Variants in ELAVL2 observed in about 807,000 individuals in gnomAD.
ELAVL2 encodes ELAV-like protein 2.
Under a neutral mutation model 34.6 loss-of-function variants are expected in ELAVL2, and 4 were observed. The observed-to-expected ratio is 0.12, with a 90% confidence interval of 0.06 to 0.26. The LOEUF is 0.26. ELAVL2 is among the 10% of genes least tolerant of loss of function. The pLI, the probability that ELAVL2 is intolerant of heterozygous loss-of-function variation, is 1.00. For synonymous variants in ELAVL2, 193 were observed against 154.8 expected (o/e 1.25, Z -1.83); for missense variants, 432 against 442.8 (o/e 0.98, Z 0.22).
intron 1 of ELAVL2, among the ~76,000 whole-genome samples, chr9:23,813,344 AAAAT>A (rs1182959362): frequency 6.6e-6 from 1 of 152,028 alleles, no homozygotes. Context: ...AAGACTGAAA[AAAAT>A]AAAGGGGAAA....
chr9:23,812,096 T>G (rs576752050), intron 1 of ELAVL2, among the ~76,000 whole-genome samples: 9 of 152,212 alleles, frequency 5.9e-5, no homozygotes, highest in Non-Finnish European at 1.0e-4. Flanking sequence ...GTTTCTACTA[T>G]TAAATGCAAG....
At chr9:23,702,963 A>AAAAAAAAC (rs2037874282) in intron 4 of ELAVL2, among the ~76,000 whole-genome samples, 8 of 141,692 alleles carry the variant, frequency 5.6e-5, no homozygotes, top group Non-Finnish European at 7.6e-5. Flanking sequence ...AAAAAAAAAA[A>AAAAAAAAC]AAAAAAAAAA....
intron 3 of ELAVL2, among the ~76,000 whole-genome samples, chr9:23,708,422 C>CTT (rs1295963030): frequency 6.6e-6 from 1 of 152,162 alleles, no homozygotes; most frequent in Non-Finnish European, 1.5e-5. Context: ...TTATACACAA[C>CTT]TAGTGTTGAA....
intron 3 of ELAVL2, among the ~76,000 whole-genome samples, chr9:23,718,829 T>A (rs2042953230): frequency 6.6e-6 from 1 of 152,192 alleles, no homozygotes; most frequent in Non-Finnish European, 1.5e-5. Context: ...AAGCTTTTTT[T>A]AAATGAACTG....
chr9:23,722,319 T>C (rs921507905), intron 3 of ELAVL2, among the ~76,000 whole-genome samples: 6 of 152,228 alleles, frequency 3.9e-5, no homozygotes, highest in Non-Finnish European at 8.8e-5. Flanking sequence ...TAAAAAATAA[T>C]TTCAGGAAGT....
At chr9:23,744,963 G>C (rs888468344) in intron 2 of ELAVL2, among the ~76,000 whole-genome samples, 12 of 152,016 alleles carry the variant, frequency 7.9e-5, no homozygotes, top group Admixed American at 2.0e-4. Context: ...CCAGCACTTC[G>C]GGAGTCTGAG....
chr9:23,790,201 TG>T (rs1335655613), intron 1 of ELAVL2, among the ~76,000 whole-genome samples: 1 of 151,950 alleles, frequency 6.6e-6, no homozygotes, highest in Admixed American at 6.6e-5. Context: ...ACAGGTGTAA[TG>T]AATACCAGAG....
chr9:23,768,691 A>C (rs2056769145), intron 1 of ELAVL2, among the ~76,000 whole-genome samples: 1 of 152,142 alleles, frequency 6.6e-6, no homozygotes, highest in Non-Finnish European at 1.5e-5. Flanking sequence ...TTATTTCAAC[A>C]ATCTATCACA....
At chr9:23,696,626 C>G (rs2035330682) in intron 5 of ELAVL2, among the ~76,000 whole-genome samples, 1 of 150,986 alleles carries the variant, frequency 6.6e-6, no homozygotes, top group Admixed American at 6.6e-5. Flanking sequence ...CCAACCACCA[C>G]GTCCGGCTAA....
At chr9:23,811,665 G>A (rs1049139174) in intron 1 of ELAVL2, among the ~76,000 whole-genome samples, 4 of 152,190 alleles carry the variant, frequency 2.6e-5, no homozygotes, top group African/African-American at 9.7e-5. Flanking sequence ...GAGGCTGCTG[G>A]CACATAATGT....
chr9:23,832,171 C>T, the ELAVL2 span: 1 of 152,160 alleles, frequency 6.6e-6, no homozygotes, highest in Non-Finnish European at 1.5e-5. Flanking sequence ...TTAACCTGGC[C>T]TTTTGGCTGA....
At chr9:23,752,667 C>T (rs1329026499) in intron 2 of ELAVL2, among the ~76,000 whole-genome samples, 2 of 152,094 alleles carry the variant, frequency 1.3e-5, no homozygotes, top group Admixed American at 6.5e-5. Flanking sequence ...GTTGGCCAGG[C>T]TGGCCTTGAT....
At chr9:23,785,269 A>G (rs143438368) in intron 1 of ELAVL2, among the ~76,000 whole-genome samples, 1 of 152,344 alleles carries the variant, frequency 6.6e-6, no homozygotes, top group East Asian at 1.9e-4. Flanking sequence ...AAATGAAAAC[A>G]AAGTGTTTAT....
At chr9:23,713,351 TGGA>T (rs528102892) in intron 3 of ELAVL2, among the ~76,000 whole-genome samples, 92 of 152,286 alleles carry the variant, frequency 6.0e-4, no homozygotes, top group African/African-American at 2.1e-3. Context: ...GCATCTGAGG[TGGA>T]GGCAGTGAAA....
chr9:23,723,497 T>A (rs975330819), intron 3 of ELAVL2, among the ~76,000 whole-genome samples: 1 of 151,878 alleles, frequency 6.6e-6, no homozygotes, highest in African/African-American at 2.4e-5. Flanking sequence ...CACACCAGCA[T>A]GGCACATGTA....
chr9:23,761,418 CA>C (rs1334711960), intron 2 of ELAVL2, among the ~76,000 whole-genome samples: 4 of 151,934 alleles, frequency 2.6e-5, no homozygotes, highest in African/African-American at 9.7e-5. Flanking sequence ...ACCTAATATT[CA>C]AAATGTACTA....
chr9:23,785,141 T>C (rs1440398916), intron 1 of ELAVL2, among the ~76,000 whole-genome samples: 1 of 152,180 alleles, frequency 6.6e-6, no homozygotes, highest in Non-Finnish European at 1.5e-5. Flanking sequence ...CAGTTTTACT[T>C]CTTATTGTAC....
chr9:23,713,751 G>A (rs576541225), intron 3 of ELAVL2, among the ~76,000 whole-genome samples: 3 of 152,130 alleles, frequency 2.0e-5, no homozygotes, highest in African/African-American at 7.2e-5. Context: ...ATTATACAAA[G>A]CAGAAGAGAA....
At chr9:23,756,429 G>A (rs922145961) in intron 2 of ELAVL2, among the ~76,000 whole-genome samples, 1 of 152,088 alleles carries the variant, frequency 6.6e-6, no homozygotes, top group African/African-American at 2.4e-5. Flanking sequence ...AAACAACTGA[G>A]AGTAATGGTG....
Sources: gnomAD v4.1 joint callset for allele counts (sites outside exome capture counted in the v4.1 genomes callset) on GRCh38, gnomAD v4.1.1 for gene constraint, MANE v1.5 for transcripts, NCBI Gene and HGNC (gene_info 2026-07-23, HGNC 2026-07-21) for gene names.